Variants in NCALD observed in about 807,000 individuals in gnomAD.
NCALD encodes neurocalcin-delta.
Under a neutral mutation model 18.6 loss-of-function variants are expected in NCALD, and 10 were observed. The ratio of observed to expected loss-of-function variants is 0.54; its 90% CI spans 0.33 to 0.91. The LOEUF (loss-of-function observed/expected upper bound fraction) is 0.91. Among genes scored for constraint, NCALD ranks in the 40% least tolerant of loss-of-function variants. The pLI is 0.03. For synonymous variants in NCALD, 88 were observed against 87.4 expected (o/e 1.01, Z -0.04); for missense variants, 184 against 247.6 (o/e 0.74, Z 1.72).
At chr8:101,819,923 T>C (rs1215748119) in intron 4 of NCALD, among the ~76,000 whole-genome samples, 1 of 152,196 alleles carries the variant, frequency 6.6e-6, no homozygotes, top group Non-Finnish European at 1.5e-5. Context: ...CCCTGTCACC[T>C]CCTGAACCTG....
intron 2 of NCALD, among the ~76,000 whole-genome samples, chr8:101,998,019 A>T (rs1821304292): frequency 6.6e-6 from 1 of 152,204 alleles, no homozygotes; most frequent in Non-Finnish European, 1.5e-5. Context: ...AATGACAGCC[A>T]TTTTTAACTC....
intron 1 of NCALD, among the ~76,000 whole-genome samples, chr8:102,056,978 T>G (rs1056598406): frequency 5.3e-5 from 8 of 152,246 alleles, no homozygotes; most frequent in Admixed American, 1.3e-4. Context: ...AAGTGGAGTC[T>G]GACAGTAACT....
At chr8:102,069,981 G>C (rs1403733470) in intron 1 of NCALD, 1 of 152,118 alleles carries the variant, frequency 6.6e-6, no homozygotes, top group Non-Finnish European at 1.5e-5. Context: ...AGATGTGGTG[G>C]CACTTGCCTG....
intron 1 of NCALD, among the ~76,000 whole-genome samples, chr8:102,114,184 T>C (rs1825716419): frequency 6.6e-6 from 1 of 152,218 alleles, no homozygotes; most frequent in South Asian, 2.1e-4. Flanking sequence ...AGAATTCAAA[T>C]GTCTAGCTCT....
rs564609696 is a variant in NCALD at position 101,918,294 on chromosome 8, A to T, written c.-156-2436T>A. On this transcript the variant is annotated intron_variant, in intron 2 of 6. Transcript: ENST00000311028. ...AAAATCCAACATCTCTTCATGATAA[A>T]ACCCCTCAAGAAACTAGGCATTGAA... Among the ~76,000 whole-genome samples, 24 of 152,286 alleles carry T rather than the reference A, an allele frequency of 1.6e-4. No homozygotes were observed. The South Asian group carries it at 4.8e-3, about 30-fold the overall frequency.
At chr8:101,762,268 A>G (rs1231618789) in intron 1 of NCALD, among the ~76,000 whole-genome samples, 2 of 152,186 alleles carry the variant, frequency 1.3e-5, no homozygotes, top group Non-Finnish European at 2.9e-5. Flanking sequence ...TAATACAAAG[A>G]TCTAGCTAAT....
At chr8:101,927,154 A>G (rs1457067480) in intron 2 of NCALD, among the ~76,000 whole-genome samples, 1 of 151,710 alleles carries the variant, frequency 6.6e-6, no homozygotes, top group African/African-American at 2.4e-5. Flanking sequence ...TCCATCACCC[A>G]CCCTCACACC....
intron 1 of NCALD, among the ~76,000 whole-genome samples, chr8:101,753,593 T>C (rs1810749512): frequency 6.6e-6 from 1 of 152,130 alleles, no homozygotes; most frequent in Non-Finnish European, 1.5e-5. Context: ...TGGACTGGCT[T>C]GGGAAGGGAC....
At chr8:101,775,887 C>G (rs1458285136) in intron 1 of NCALD, among the ~76,000 whole-genome samples, 1 of 152,172 alleles carries the variant, frequency 6.6e-6, no homozygotes, top group Non-Finnish European at 1.5e-5. Context: ...CTGATGGTTG[C>G]CAAGGTGGCT....
At chr8:101,703,368 A>G (rs1478968880) in intron 2 of NCALD, among the ~76,000 whole-genome samples, 7 of 151,910 alleles carry the variant, frequency 4.6e-5, no homozygotes, top group African/African-American at 1.7e-4. Flanking sequence ...GCATCAGCAC[A>G]GCCCTGCCTT....
At chr8:101,751,203 C>T (rs149428628) in intron 1 of NCALD, among the ~76,000 whole-genome samples, 156 of 152,206 alleles carry the variant, frequency 1.0e-3, no homozygotes, top group African/African-American at 3.1e-3. Context: ...GGGTGAACCT[C>T]GAAGATATTA....
At chr8:101,854,576 C>T (rs1055753513) in intron 4 of NCALD, among the ~76,000 whole-genome samples, 7 of 151,884 alleles carry the variant, frequency 4.6e-5, no homozygotes, top group Non-Finnish European at 7.4e-5. Flanking sequence ...TTTCTTGATG[C>T]TTTATTCCTT....
chr8:101,703,794 C>G (rs1043063067), intron 2 of NCALD, among the ~76,000 whole-genome samples: 1 of 152,160 alleles, frequency 6.6e-6, no homozygotes, highest in Non-Finnish European at 1.5e-5. Flanking sequence ...GAGAGTGGCA[C>G]AGAGAGAACT....
At chr8:101,994,197 C>A (rs1821153132) in intron 2 of NCALD, among the ~76,000 whole-genome samples, 1 of 152,144 alleles carries the variant, frequency 6.6e-6, no homozygotes, top group African/African-American at 2.4e-5. Flanking sequence ...TGAATTGAGA[C>A]AAGAGTGACC....
At chr8:101,895,874 C>G (rs1243264705) in intron 3 of NCALD, among the ~76,000 whole-genome samples, 9 of 148,692 alleles carry the variant, frequency 6.1e-5, no homozygotes, top group South Asian at 2.1e-4. Context: ...AGGATACAAA[C>G]AAATGGAAGA....
chr8:101,738,552 CA>C lies in NCALD; in HGVS notation c.-19-18905del, dbSNP rs34205453. Among the ~76,000 whole-genome samples the C allele has an allele frequency of 7.5e-3, 965 of 127,852 alleles. 8 individuals carry two copies. The highest frequency in any genetic ancestry group is 0.025 in the African/African-American group (870 of 34,694). The allele number at this position is 127,852 out of a possible 152,430, so 83.9% of individuals were successfully genotyped here. The stretch of plus-strand genomic sequence containing the variant: ...AGAGCGAAACTCCATCTCAAAAAAA[CA>C]AAAAAAAAAAAAAAAAAAAGAAGAA... On this transcript the variant is annotated intron_variant, in intron 1 of 3. Transcript: ENST00000220931.
intron 2 of NCALD, among the ~76,000 whole-genome samples, chr8:101,711,245 C>A (rs1299607738): frequency 2.0e-5 from 3 of 151,964 alleles, no homozygotes; most frequent in African/African-American, 7.3e-5. Context: ...GACAACCACA[C>A]AAAAAACTCC....
At chr8:101,938,291 T>C (rs964490768) in intron 2 of NCALD, among the ~76,000 whole-genome samples, 4 of 152,236 alleles carry the variant, frequency 2.6e-5, no homozygotes, top group Non-Finnish European at 5.9e-5. Context: ...ACTCATTTTA[T>C]GTGCTATATT....
chr8:101,828,149 C>A (rs964957474), intron 4 of NCALD, among the ~76,000 whole-genome samples: 61 of 152,182 alleles, frequency 4.0e-4, no homozygotes, highest in African/African-American at 1.4e-3. Flanking sequence ...CTGCACTTGC[C>A]CCCATTCAGT....
Sources: allele counts gnomAD v4.1 joint callset (sites outside exome capture counted in the v4.1 genomes callset), GRCh38; gene constraint gnomAD v4.1.1; transcripts MANE v1.5; gene names NCBI Gene and HGNC (gene_info 2026-07-23, HGNC 2026-07-21).